Variants in ANO4 observed in about 807,000 individuals in gnomAD.
ANO4 encodes anoctamin 4, also known as anoctamin-4.
ANO4 carries 69 observed loss-of-function variants against 141.9 expected under a neutral mutation model. The observed-to-expected ratio is 0.49, with a 90% CI of 0.40 to 0.59. ANO4 has a LOEUF of 0.59. ANO4 is among the 20% of genes least tolerant of loss of function. ANO4 has a pLI of 0.00. For missense variants in ANO4, 894 were observed against 1,162.2 expected, an observed-to-expected ratio of 0.77 and a Z score of 3.36; for synonymous variants, 350 against 394.3, an observed-to-expected ratio of 0.89 and a Z score of 1.33.
At chr12:100,918,807 TA>T (rs1244949997) in intron 2 of ANO4, among the ~76,000 whole-genome samples, 11 of 149,488 alleles carry the variant, frequency 7.4e-5, no homozygotes, top group South Asian at 2.1e-4. Context: ...TTTTACTGAT[TA>T]AAAAAAAAAG....
chr12:100,789,493 T>C (rs887012338), intron 3 of ANO4, among the ~76,000 whole-genome samples: 9 of 152,248 alleles, frequency 5.9e-5, no homozygotes, highest in South Asian at 2.1e-4. Flanking sequence ...CTATGCCTAC[T>C]ACCATATGCT....
intron 25 of ANO4, among the ~76,000 whole-genome samples, chr12:101,120,263 C>T (rs990062601): frequency 1.7e-4 from 26 of 152,114 alleles, no homozygotes; most frequent in African/African-American, 6.0e-4. Flanking sequence ...TGTCACTGAT[C>T]AGGTCTGGCT....
At chr12:101,052,907 A>C (rs1452932589) in intron 14 of ANO4, among the ~76,000 whole-genome samples, 2 of 152,228 alleles carry the variant, frequency 1.3e-5, no homozygotes, top group African/African-American at 4.8e-5. Flanking sequence ...AGGTTATGCA[A>C]CTTGCCCAGG....
rs143809100 is a variant in ANO4, at chr12:100,744,625, A to G, written c.358+4520A>G. On this transcript the variant is annotated intron_variant, in intron 3 of 29. Coordinates refer to the ANO4 transcript ENST00000644049. Reference sequence around the variant, plus strand: ...GAGACACAAACATTCAATTAATTGCATCATCCACAGTCCTAATCCAGTGTT... The same window carrying G: ...GAGACACAAACATTCAATTAATTGCGTCATCCACAGTCCTAATCCAGTGTT... Among the ~76,000 whole-genome samples, 10 of 152,294 alleles carry G rather than the reference A, an allele frequency of 6.6e-5. No individual in the cohort carries two copies. The East Asian group carries it at 1.9e-3, about 29-fold the overall frequency.
rs144971199 is a variant in ANO4, at chr12:100,859,914, C to A, written c.-140-41732C>A. Among the ~76,000 whole-genome samples the A allele has an allele frequency of 1.8e-4, 28 of 152,138 alleles. No individual in the cohort carries two copies. In the East Asian group the frequency reaches 4.4e-3, roughly 24 times the overall value. On this transcript the variant is annotated intron_variant, in intron 1 of 27. Transcript: ENST00000392977. ...TAATATCTGTACCAAATATTCAGCA[C>A]CTGTCATTAAAATTCATCCATCACC...
chr12:100,774,821 A>G lies in ANO4; in HGVS notation c.358+34716A>G, dbSNP rs148794129. ...AGTCACTTTCCCTATAGCAAAACCGATTTTGTTTCCTTGGACAATCTTGTA... is the reference window on the plus strand; with the variant it reads ...AGTCACTTTCCCTATAGCAAAACCGGTTTTGTTTCCTTGGACAATCTTGTA... On this transcript the variant is annotated intron_variant, in intron 3 of 29. Transcript: ENST00000644049. Among the ~76,000 whole-genome samples the G allele has an allele frequency of 5.0e-3, 760 of 152,330 alleles. 3 individuals carry two copies. Among genetic ancestry groups the G allele is most frequent in the Non-Finnish European group, 7.9e-3 (538 of 68,022 alleles).
chr12:100,840,834 A>C (rs532370857), intron 1 of ANO4, among the ~76,000 whole-genome samples: 2 of 152,168 alleles, frequency 1.3e-5, no homozygotes, highest in Non-Finnish European at 2.9e-5. Context: ...AAAGGCATCT[A>C]TTAGGCTATG....
intron 8 of ANO4, among the ~76,000 whole-genome samples, chr12:100,994,874 G>A: frequency 6.6e-6 from 1 of 152,116 alleles, no homozygotes; most frequent in East Asian, 1.9e-4. Context: ...TGTCAGTGAG[G>A]GGTAATTTGA....
At chr12:101,066,588 A>T (rs2048598013) in intron 14 of ANO4, 2 of 497,998 alleles carry the variant, frequency 4.0e-6, no homozygotes, top group South Asian at 5.7e-5. Flanking sequence ...TAGAACACTG[A>T]CGAAAGAAAT....
intron 2 of ANO4, among the ~76,000 whole-genome samples, chr12:100,908,807 G>C (rs1593719583): frequency 6.6e-6 from 1 of 152,122 alleles, no homozygotes; most frequent in Admixed American, 6.5e-5. Context: ...AGGCCCACTC[G>C]GATTGGTTAC....
At chr12:101,079,309 G>A (rs1433123230) in intron 15 of ANO4, 34 bp downstream of exon 15, 3 of 1,574,060 alleles carry the variant, frequency 1.9e-6, no homozygotes, top group Admixed American at 1.7e-5. Flanking sequence ...GTTGTAAAAA[G>A]CAAATCACCC....
At position 100,778,966 on chromosome 12, in the gene ANO4, A is replaced by T. The variant is rs953722; in HGVS notation, c.358+38861A>T. On this transcript the variant is annotated intron_variant, in intron 3 of 29. Coordinates refer to the ANO4 transcript ENST00000644049. ...TTTGGGGTATTAGGCAGGGTGAAGA[A>T]GGGAGATTTCTCTTTCTCCTTTATA... Among the ~76,000 whole-genome samples, 36 of 151,410 alleles carry T rather than the reference A, an allele frequency of 2.4e-4. No individual in the cohort carries two copies. The East Asian group carries it at 5.1e-3, about 21-fold the overall frequency.
chr12:100,923,144 TTTA>T (rs764413391), intron 3 of ANO4, among the ~76,000 whole-genome samples: 6 of 152,230 alleles, frequency 3.9e-5, no homozygotes, highest in Admixed American at 1.3e-4. Context: ...CTTTTCTTTT[TTTA>T]TTATTATACT....
rs184019616 is a variant in ANO4, at chr12:100,923,931, T to C, written c.160+1601T>C. ...CATGTGTCTGTTGGCTGTATAAATGTCTTCTTTTGAGAAGTGTCTGTTCAT... is the reference window on the plus strand; with the variant it reads ...CATGTGTCTGTTGGCTGTATAAATGCCTTCTTTTGAGAAGTGTCTGTTCAT... On this transcript the variant is annotated intron_variant, in intron 3 of 27. Coordinates refer to ENST00000392977, the MANE Select transcript of ANO4 (RefSeq NM_001286615.2). Among the ~76,000 whole-genome samples, 144 of 152,314 alleles carry C rather than the reference T, an allele frequency of 9.5e-4. 1 individual carries two copies. The highest frequency in any genetic ancestry group is 3.4e-3 in the African/African-American group (140 of 41,570).
chr12:100,800,391 C>A (rs1410305098), intron 1 of ANO4, among the ~76,000 whole-genome samples: 2 of 152,158 alleles, frequency 1.3e-5, no homozygotes, highest in African/African-American at 2.4e-5. Context: ...AGTTGGTTGT[C>A]TTTTCATTGT....
chr12:100,840,487 T>C (rs10860644), intron 1 of ANO4, among the ~76,000 whole-genome samples: 1 of 151,982 alleles, frequency 6.6e-6, no homozygotes, highest in African/African-American at 2.4e-5. Flanking sequence ...AAATGACTTG[T>C]TTGGGTCATA....
At chr12:101,125,503 C>T (rs1444626032) in intron 26 of ANO4, among the ~76,000 whole-genome samples, 9 of 152,060 alleles carry the variant, frequency 5.9e-5, no homozygotes, top group African/African-American at 9.7e-5. Context: ...TCCAATACTG[C>T]GTTGAAAAGG....
intron 14 of ANO4, among the ~76,000 whole-genome samples, chr12:101,052,566 T>A (rs766493223): frequency 3.0e-4 from 45 of 152,174 alleles, no homozygotes; most frequent in Non-Finnish European, 5.7e-4. Context: ...CCAAGCAAGA[T>A]CCACAAAGCT....
chr12:100,900,914 A>G (rs1418144954), intron 1 of ANO4, among the ~76,000 whole-genome samples: 1 of 152,168 alleles, frequency 6.6e-6, no homozygotes, highest in Non-Finnish European at 1.5e-5. Flanking sequence ...GTGAACAATG[A>G]GTGTTTTAAA....
Sources: gnomAD v4.1 joint callset for allele counts (sites outside exome capture counted in the v4.1 genomes callset) on GRCh38, gnomAD v4.1.1 for gene constraint, MANE v1.5 for transcripts, NCBI Gene and HGNC (gene_info 2026-07-23, HGNC 2026-07-21) for gene names.